The following KCNQ2 variants were observed in gnomAD, a reference collection of about 807,000 sequenced individuals.
KCNQ2 encodes the protein potassium voltage-gated channel subfamily Q member 2.
In KCNQ2, 14 loss-of-function variants were observed where a neutral mutation model predicts 84.8. The observed-to-expected ratio is 0.17, with a 90% confidence interval of 0.11 to 0.26. The LOEUF (loss-of-function observed/expected upper bound fraction) is 0.26. Ranked by LOEUF, KCNQ2 falls within the 10% of genes least tolerant of loss-of-function variation. The pLI, the probability that KCNQ2 is intolerant of heterozygous loss-of-function variation, is 1.00. For synonymous variants in KCNQ2, 599 were observed against 554.1 expected (o/e 1.08, Z -1.14); for missense variants, 788 against 1,254.0 (o/e 0.63, Z 5.61).
chr20:63,442,902 C>T (rs1253402984), intron 4 of KCNQ2, among the ~76,000 whole-genome samples: 3 of 24,256 alleles, frequency 1.2e-4, no homozygotes, highest in Non-Finnish European at 1.9e-4. Context: ...ACCACCATCA[C>T]CACCACCATC....
intron 1 of KCNQ2, among the ~76,000 whole-genome samples, chr20:63,449,518 G>A (rs534649049): frequency 1.3e-5 from 2 of 152,366 alleles, no homozygotes; most frequent in East Asian, 1.9e-4. Context: ...AGCGTTGGCC[G>A]CAGTGCCTGG....
intron 11 of KCNQ2, among the ~76,000 whole-genome samples, chr20:63,420,718 G>A (rs1411240868): frequency 6.6e-6 from 1 of 152,120 alleles, no homozygotes; most frequent in Non-Finnish European, 1.5e-5. Context: ...GTAGGCTGAG[G>A]GCTCTGGACC....
chr20:63,450,121 G>A (rs1402765615), intron 1 of KCNQ2, among the ~76,000 whole-genome samples: 3 of 31,928 alleles, frequency 9.4e-5, no homozygotes, highest in African/African-American at 2.4e-4. Context: ...CCCTCACCCC[G>A]CCTCACCCCG....
At chr20:63,419,026 G>A (rs4809298) in intron 12 of KCNQ2, among the ~76,000 whole-genome samples, 45,858 of 152,064 alleles carry the variant, frequency 0.3, 8,190 homozygotes, top group East Asian at 0.56. Context: ...GACAGGGGAC[G>A]CGGGGACAGG....
Position 63,446,882 on chromosome 20 carries a change from A to T in KCNQ2, c.297-45T>A. On this transcript the variant is annotated intron_variant, in intron 1 of 16. Coordinates refer to ENST00000359125, the MANE Select transcript of KCNQ2 (RefSeq NM_172107.4). The surrounding 1 kb of genome is among the most constrained non-coding windows in gnomAD (Gnocchi z 5.5). The stretch of plus-strand genomic sequence containing the variant: ...GCTCTCAGACAGGCCGCAGCAGGGC[A>T]GCAGCATGGCTGTGTCTCCAGAACT... The T allele has an allele frequency of 6.5e-7, 1 of 1,538,048 alleles. No individual in the cohort carries two copies. Among genetic ancestry groups the T allele is most frequent in the Non-Finnish European group, 9.0e-7 (1 of 1,111,534 alleles).
chr20:63,442,947 CCATCATCACCAT>C (rs1309792252), intron 4 of KCNQ2, among the ~76,000 whole-genome samples: 2 of 101,860 alleles, frequency 2.0e-5, no homozygotes, highest in Admixed American at 9.6e-5. Context: ...ACCACCATCA[CCATCATCACCAT>C]CACCACCACC....
intron 12 of KCNQ2, among the ~76,000 whole-genome samples, chr20:63,415,632 GA>G (rs2080275491): frequency 6.6e-6 from 1 of 152,118 alleles, no homozygotes; most frequent in African/African-American, 2.4e-5. Context: ...GCCATGTGGG[GA>G]GAGTTGATGT....
Position 63,454,740 on chromosome 20 carries a change from C to T in KCNQ2, c.297-7903G>A, listed in dbSNP as rs533387155. Among the ~76,000 whole-genome samples, 21 of 152,312 alleles carry T rather than the reference C, an allele frequency of 1.4e-4. 1 individual carries two copies. Among genetic ancestry groups the T allele is most frequent in the Admixed American group, 2.6e-4 (4 of 15,298 alleles). On this transcript the variant is annotated intron_variant, in intron 1 of 16. Transcript: ENST00000359125. ...CCTCTGAACCAGGGGAGGGAGAGGGCGGCAGGAGACCCCTGATGGCATCCC... is the reference window on the plus strand; with the variant it reads ...CCTCTGAACCAGGGGAGGGAGAGGGTGGCAGGAGACCCCTGATGGCATCCC...
intron 4 of KCNQ2, among the ~76,000 whole-genome samples, chr20:63,443,155 GGCGCCACCACCA>G (rs1568936504): frequency 5.1e-4 from 7 of 13,656 alleles, no homozygotes; most frequent in Non-Finnish European, 7.5e-4. Flanking sequence ...CACCATCACC[GGCGCCACCACCA>G]TCACATCACC....
intron 12 of KCNQ2, among the ~76,000 whole-genome samples, chr20:63,418,926 A>G (rs12480084): frequency 0.28 from 43,165 of 152,176 alleles, 7,567 homozygotes; most frequent in Non-Finnish European, 0.4. Flanking sequence ...AGAGCCCCAC[A>G]GGAGCACGAC....
intron 1 of KCNQ2, among the ~76,000 whole-genome samples, chr20:63,461,914 G>A (rs2081963205): frequency 7.3e-6 from 1 of 137,266 alleles, no homozygotes; most frequent in Non-Finnish European, 1.5e-5. Flanking sequence ...GAGCAGGGAG[G>A]AGGCTGCACC....
chr20:63,471,265 A>ACCGG (rs1463816861), intron 1 of KCNQ2: 1 of 152,260 alleles, frequency 6.6e-6, no homozygotes, highest in Non-Finnish European at 1.5e-5. Flanking sequence ...GGCTGTGCAC[A>ACCGG]CCGGCCGCAC....
At chr20:63,410,028 A>G (rs2080073712) in intron 15 of KCNQ2, 1 of 278,144 alleles carries the variant, frequency 3.6e-6, no homozygotes, top group Non-Finnish European at 7.0e-6. Flanking sequence ...AGAAACAGAG[A>G]GGGTTTCAGG....
intron 11 of KCNQ2, chr20:63,423,728 C>G: frequency 5.0e-6 from 1 of 200,754 alleles, no homozygotes; most frequent in Non-Finnish European, 1.0e-5. Context: ...GCCACATGCT[C>G]CAGACACTCT....
chr20:63,466,470 GC>G (rs2082085631), intron 1 of KCNQ2: 1 of 152,256 alleles, frequency 6.6e-6, no homozygotes, highest in Non-Finnish European at 1.5e-5. Context: ...GCAGAGCGAC[GC>G]CGTCCCGGAC....
At position 63,401,805 on chromosome 20, in the gene KCNQ2, G is replaced by GT. The variant is rs1359243475; in HGVS notation, c.*4838dup. ...ACCCTCCACAGCAGGTCCAAGCCTC[G>GT]TGAGCTGTCCCTCTCACACCACGTC... On this transcript the variant is annotated 3_prime_UTR_variant, in exon 17 of 17. Transcript: ENST00000359125. 2 of 196,922 alleles carry GT rather than the reference G, an allele frequency of 1.0e-5. No individual in the cohort carries two copies. The highest frequency in any genetic ancestry group is 2.1e-5 in the Non-Finnish European group (2 of 95,144). 12.2% of individuals were successfully genotyped at this position (196,922 alleles called of 1,614,324 possible). A position where few individuals can be genotyped will look rare whatever the true frequency, so the allele number is the denominator to read the frequency against.
intron 4 of KCNQ2, among the ~76,000 whole-genome samples, chr20:63,444,027 G>A (rs2081342034): frequency 6.6e-6 from 1 of 152,216 alleles, no homozygotes; most frequent in African/African-American, 2.4e-5. Flanking sequence ...GGAGGGAGAG[G>A]GGCCACCGGG....
chr20:63,472,506 G>A lies in KCNQ2; in HGVS notation c.-43C>T. The A allele has an allele frequency of 7.2e-7, 1 of 1,386,296 alleles. No homozygotes were observed. The highest frequency in any genetic ancestry group is 9.3e-7 in the Non-Finnish European group (1 of 1,073,864). 85.9% of individuals were successfully genotyped at this position (1,386,296 alleles called of 1,614,324 possible). A position where few individuals can be genotyped will look rare whatever the true frequency, so the allele number is the denominator to read the frequency against. On this transcript the variant is annotated 5_prime_UTR_variant, in exon 1 of 17. Transcript: ENST00000359125. ...GCCCCGGGTCGGGCTCAGGCTCAGCGGGGGCGGAGCGCGGGGGGCGGCGCG... is the reference window on the plus strand; with the variant it reads ...GCCCCGGGTCGGGCTCAGGCTCAGCAGGGGCGGAGCGCGGGGGGCGGCGCG...
At position 63,433,940 on chromosome 20, in the gene KCNQ2, G is replaced by A. The variant is rs369242219; in HGVS notation, c.1024-37C>T. 5.5e-4 allele frequency: 878 copies of A among 1,585,026 alleles called. No individual in the cohort carries two copies. Among genetic ancestry groups the A allele is most frequent in the Non-Finnish European group, 7.2e-4 (834 of 1,155,944 alleles). ...AAGACAAGGCAGTTGGCGAGGGGCA[G>A]GCGGCGAGGGGCGCGCCCAGGAGGG... On this transcript the variant is annotated intron_variant, in intron 7 of 16. Coordinates refer to ENST00000359125, the MANE Select transcript of KCNQ2 (RefSeq NM_172107.4).
Sources: allele counts gnomAD v4.1 joint callset (sites outside exome capture counted in the v4.1 genomes callset), GRCh38; gene constraint gnomAD v4.1.1; non-coding constraint Gnocchi (gnomAD v3.1); transcripts MANE v1.5; gene names NCBI Gene and HGNC (gene_info 2026-07-23, HGNC 2026-07-21).